KIF26B: variants seen among roughly 807,000 people sequenced by gnomAD.
KIF26B encodes kinesin-like protein KIF26B.
In KIF26B, 63 loss-of-function variants were observed where a neutral mutation model predicts 151.2. The ratio of observed to expected loss-of-function variants is 0.42; its 90% CI spans 0.34 to 0.51. The LOEUF is 0.51. KIF26B is among the 20% of genes least tolerant of loss of function. KIF26B has a pLI of 0.07. For missense variants in KIF26B, 2,813 were observed against 2,913.6 expected (o/e 0.97, Z 0.79); for synonymous variants, 1,357 against 1,262.1 (o/e 1.08, Z -1.59).
intron 4 of KIF26B, among the ~76,000 whole-genome samples, chr1:245,423,515 G>A (rs1164357235): frequency 6.6e-6 from 1 of 151,196 alleles, no homozygotes; most frequent in East Asian, 1.9e-4. Context: ...ACTGATGATT[G>A]CTTATAAAAC....
intron 4 of KIF26B, among the ~76,000 whole-genome samples, chr1:245,470,677 G>A (rs368476250): frequency 3.3e-5 from 5 of 152,040 alleles, no homozygotes; most frequent in Admixed American, 6.6e-5. Context: ...TGATCTGCCC[G>A]CCTCGGCCTC....
intron 9 of KIF26B, among the ~76,000 whole-genome samples, chr1:245,628,787 A>T (rs1351588990): frequency 1.3e-5 from 2 of 152,172 alleles, no homozygotes; most frequent in Non-Finnish European, 2.9e-5. Flanking sequence ...AGCATATTCA[A>T]ATAGGAAGAG....
At chr1:245,562,360 C>T (rs2042965004) in intron 5 of KIF26B, among the ~76,000 whole-genome samples, 1 of 152,044 alleles carries the variant, frequency 6.6e-6, no homozygotes, top group African/African-American at 2.4e-5. Flanking sequence ...TATAGGAGGA[C>T]CCTCACATTG....
intron 10 of KIF26B, among the ~76,000 whole-genome samples, chr1:245,647,516 C>G (rs1249256669): frequency 6.6e-6 from 1 of 151,912 alleles, no homozygotes; most frequent in Non-Finnish European, 1.5e-5. Flanking sequence ...CTGGTTACAC[C>G]TATCTAGTCA....
chr1:245,380,360 G>A (rs1673377548), intron 3 of KIF26B, among the ~76,000 whole-genome samples: 2 of 152,172 alleles, frequency 1.3e-5, no homozygotes, highest in African/African-American at 4.8e-5. Flanking sequence ...TATATTCAAG[G>A]CTGTGGCTGG....
chr1:245,685,825 G>A lies in KIF26B; in HGVS notation c.2842G>A (p.Glu948Lys), dbSNP rs766437205. ...CGAGGAGCCCAGCAGCTTTCCTTTC[G>A]AAGAACTGCCTGCTCAGTTTGGGCC... ...GSEEPSSFPF[E>K]ELPAQFGPEQ... Residue 948 changes from glutamate to lysine, a missense_variant, in exon 12 of 15, where the codon GAA becomes AAA. By Grantham distance (56) the Glu-to-Lys change is moderately conservative. Coordinates refer to ENST00000407071, the MANE Select transcript of KIF26B (RefSeq NM_018012.4). 22 of 1,610,942 alleles carry A rather than the reference G, an allele frequency of 1.4e-5. No homozygotes were observed. Among genetic ancestry groups the A allele is most frequent in the South Asian group, 4.4e-5 (4 of 90,948 alleles).
At chr1:245,677,797 T>A (rs2044373902) in intron 10 of KIF26B, among the ~76,000 whole-genome samples, 1 of 152,240 alleles carries the variant, frequency 6.6e-6, no homozygotes, top group Non-Finnish European at 1.5e-5. Context: ...AATAAAGTGA[T>A]TTTCCCTTTT....
At chr1:245,250,364 C>T (rs1407338931) in intron 2 of KIF26B, among the ~76,000 whole-genome samples, 1 of 152,174 alleles carries the variant, frequency 6.6e-6, no homozygotes, top group Non-Finnish European at 1.5e-5. Flanking sequence ...TTTATCTATC[C>T]ATTTGGTTTA....
In KIF26B at chr1:245,444,169, C is replaced by G. The variant is rs184690232; in HGVS notation, c.1166+24424C>G. Among the ~76,000 whole-genome samples the G allele has an allele frequency of 2.9e-4, 43 of 148,930 alleles. No homozygotes were observed. The East Asian group carries it at 8.7e-3, about 30-fold the overall frequency. On this transcript the variant is annotated intron_variant, in intron 4 of 14. Coordinates refer to ENST00000407071, the MANE Select transcript of KIF26B (RefSeq NM_018012.4). The stretch of plus-strand genomic sequence containing the variant: ...TAGAGCGGTCATCTCCCTCACTGTT[C>G]ACCTAGAGTGGTCATCTCCCTCACT...
chr1:245,607,226 C>G (rs1382761540), intron 6 of KIF26B, among the ~76,000 whole-genome samples: 1 of 152,134 alleles, frequency 6.6e-6, no homozygotes, highest in East Asian at 1.9e-4. Flanking sequence ...CTTTTTCCCT[C>G]TCATAAGCCT....
intron 2 of KIF26B, among the ~76,000 whole-genome samples, chr1:245,275,114 C>G (rs568168051): frequency 1.3e-5 from 2 of 152,030 alleles, no homozygotes; most frequent in South Asian, 4.2e-4. Context: ...GTTTGTTGGC[C>G]ACATAAATGT....
At chr1:245,349,469 CTT>C (rs1160774858) in intron 2 of KIF26B, among the ~76,000 whole-genome samples, 1 of 148,556 alleles carries the variant, frequency 6.7e-6, no homozygotes, top group African/African-American at 2.5e-5. Flanking sequence ...AAAAGACAAA[CTT>C]GAATAATCCT....
intron 4 of KIF26B, among the ~76,000 whole-genome samples, chr1:245,470,297 G>A (rs1043645247): frequency 1.3e-5 from 2 of 152,126 alleles, no homozygotes; most frequent in African/African-American, 4.8e-5. Context: ...ATCTAGATTG[G>A]AGTTACTGAG....
chr1:245,213,177 A>T (rs1056379047), intron 2 of KIF26B, among the ~76,000 whole-genome samples: 1 of 152,122 alleles, frequency 6.6e-6, no homozygotes, highest in Non-Finnish European at 1.5e-5. Context: ...CTGGAGGGAG[A>T]GGAAATTAAC....
At chr1:245,190,711 T>C (rs1023211823) in intron 2 of KIF26B, among the ~76,000 whole-genome samples, 1 of 151,414 alleles carries the variant, frequency 6.6e-6, no homozygotes, top group African/African-American at 2.4e-5. Context: ...ACTCTTTGAT[T>C]TGAAGAAAGT....
At chr1:245,499,393 T>A (rs1348828150) in intron 4 of KIF26B, among the ~76,000 whole-genome samples, 2 of 152,130 alleles carry the variant, frequency 1.3e-5, no homozygotes, top group Non-Finnish European at 2.9e-5. Context: ...CAAGGCTACA[T>A]GGTGAGTCTA....
chr1:245,424,225 C>T (rs1440785433), intron 4 of KIF26B, among the ~76,000 whole-genome samples: 3 of 152,050 alleles, frequency 2.0e-5, no homozygotes, highest in African/African-American at 4.8e-5. Context: ...GCGCGATCTC[C>T]GCTCGCTGCA....
chr1:245,418,308 A>C (rs1674470258), intron 3 of KIF26B, among the ~76,000 whole-genome samples: 1 of 152,204 alleles, frequency 6.6e-6, no homozygotes, highest in South Asian at 2.1e-4. Context: ...AGTTTCTGTC[A>C]CTTGGGTCAA....
chr1:245,661,575 T>C (rs1033176342), intron 10 of KIF26B, among the ~76,000 whole-genome samples: 13 of 150,790 alleles, frequency 8.6e-5, no homozygotes, highest in African/African-American at 2.9e-4. Flanking sequence ...TATATATATA[T>C]ACACACCCCC....
Sources: gnomAD v4.1 joint callset for allele counts (sites outside exome capture counted in the v4.1 genomes callset) on GRCh38, gnomAD v4.1.1 for gene constraint, MANE v1.5 for transcripts, NCBI Gene and HGNC (gene_info 2026-07-23, HGNC 2026-07-21) for gene names.